HTR1F: variants seen among roughly 807,000 people sequenced by gnomAD.
HTR1F encodes 5-hydroxytryptamine receptor 1F, also known as 5-hydroxytryptamine (serotonin) receptor 1F, G protein-coupled.
HTR1F carries 17 observed loss-of-function variants against 24.0 expected under a neutral mutation model. The observed-to-expected ratio is 0.71, with a 90% confidence interval of 0.48 to 1.06. HTR1F has a LOEUF of 1.06. Among genes scored for constraint, HTR1F ranks in the 50% least tolerant of loss-of-function variants. HTR1F has a pLI of 0.00. For missense variants in HTR1F, 391 were observed against 427.8 expected, an observed-to-expected ratio of 0.91 and a Z score of 0.76; for synonymous variants, 186 against 156.8, an observed-to-expected ratio of 1.19 and a Z score of -1.39.
chr3:87,940,684 A>C (rs569585780), intron 2 of HTR1F, among the ~76,000 whole-genome samples: 1 of 152,344 alleles, frequency 6.6e-6, no homozygotes, highest in African/African-American at 2.4e-5. Flanking sequence ...CTCGTAAGCA[A>C]AAACAACAAA....
intron 2 of HTR1F, among the ~76,000 whole-genome samples, chr3:87,917,379 T>A (rs1398431360): frequency 7.0e-6 from 1 of 143,840 alleles, no homozygotes; most frequent in Non-Finnish European, 1.5e-5. Context: ...CTAAATGAAA[T>A]TGAAGCAAAA....
chr3:87,795,877 G>C (rs545185364), intron 1 of HTR1F, among the ~76,000 whole-genome samples: 1 of 152,112 alleles, frequency 6.6e-6, no homozygotes, highest in South Asian at 2.1e-4. Context: ...ACATCAATGA[G>C]TATGAAAAAG....
At chr3:87,839,024 A>ATT (rs1372260151) in intron 2 of HTR1F, among the ~76,000 whole-genome samples, 16 of 124,738 alleles carry the variant, frequency 1.3e-4, no homozygotes, top group East Asian at 4.9e-4. Context: ...TTTTATTTTT[A>ATT]TTTTTTTTTT....
intron 2 of HTR1F, among the ~76,000 whole-genome samples, chr3:87,978,902 A>AAGGG (rs1705460610): frequency 1.2e-5 from 1 of 82,522 alleles, no homozygotes; most frequent in Non-Finnish European, 2.4e-5. Context: ...GGAAGGAAGG[A>AAGGG]AGGAAGGAAG....
intron 2 of HTR1F, among the ~76,000 whole-genome samples, chr3:87,915,302 C>A (rs1703868766): frequency 6.6e-6 from 1 of 152,180 alleles, no homozygotes; most frequent in Middle Eastern, 3.4e-3. Context: ...TTCTATAACA[C>A]CCCCCAAAAA....
chr3:87,971,452 G>A (rs1182727507), intron 2 of HTR1F, among the ~76,000 whole-genome samples: 1 of 152,052 alleles, frequency 6.6e-6, no homozygotes, highest in East Asian at 1.9e-4. Context: ...TCAGCTACTA[G>A]GGAGTCTGAG....
chr3:87,887,254 G>T (rs1705970661), intron 2 of HTR1F, among the ~76,000 whole-genome samples: 1 of 152,096 alleles, frequency 6.6e-6, no homozygotes, highest in African/African-American at 2.4e-5. Flanking sequence ...AATGGTGCTG[G>T]GAAAACTGGC....
intron 2 of HTR1F, among the ~76,000 whole-genome samples, chr3:87,906,564 C>T (rs1190495395): frequency 4.6e-5 from 7 of 151,446 alleles, no homozygotes; most frequent in Non-Finnish European, 1.0e-4. Flanking sequence ...TTTCAATAGG[C>T]TTTTGGTAAC....
rs554221203 is a variant in HTR1F, at chr3:87,895,314, A to G, written c.-43+73190A>G. Reference sequence around the variant, plus strand: ...ATTTAATACACATTAAATATACACAATAAAAATGGACAAAGGACTTGAATA... The same window carrying G: ...ATTTAATACACATTAAATATACACAGTAAAAATGGACAAAGGACTTGAATA... On this transcript the variant is annotated intron_variant, in intron 2 of 2. Transcript: ENST00000319595. Among the ~76,000 whole-genome samples the G allele has an allele frequency of 8.9e-4, 135 of 152,294 alleles. 3 individuals are homozygous for G. The highest frequency in any genetic ancestry group is 3.4e-3 in the Middle Eastern group (1 of 294).
intron 2 of HTR1F, among the ~76,000 whole-genome samples, chr3:87,985,324 G>A (rs1443658020): frequency 5.9e-5 from 8 of 135,556 alleles, no homozygotes; most frequent in African/African-American, 1.6e-4. Context: ...CAACAAGAGC[G>A]AACCTCCATC....
intron 2 of HTR1F, among the ~76,000 whole-genome samples, chr3:87,891,852 A>G (rs538638453): frequency 6.6e-6 from 1 of 152,266 alleles, no homozygotes; most frequent in South Asian, 2.1e-4. Context: ...GAATTTTTCA[A>G]CTTCATTAAC....
At chr3:87,844,100 C>T (rs2107185680) in intron 2 of HTR1F, among the ~76,000 whole-genome samples, 1 of 150,866 alleles carries the variant, frequency 6.6e-6, no homozygotes, top group African/African-American at 2.5e-5. Context: ...GAGGAATCGC[C>T]ACACTGACTT....
intron 2 of HTR1F, among the ~76,000 whole-genome samples, chr3:87,892,383 A>T (rs1706104200): frequency 6.7e-6 from 1 of 149,916 alleles, no homozygotes; most frequent in East Asian, 1.9e-4. Flanking sequence ...GATTATTAAA[A>T]TTTTTCAGTT....
At chr3:87,865,155 CTTTA>C (rs1705399568) in intron 2 of HTR1F, among the ~76,000 whole-genome samples, 1 of 151,976 alleles carries the variant, frequency 6.6e-6, no homozygotes, top group Non-Finnish European at 1.5e-5. Context: ...TTATTGGTGA[CTTTA>C]TTTACTTGCT....
chr3:87,950,349 C>A (rs1386705370), intron 2 of HTR1F, among the ~76,000 whole-genome samples: 1 of 152,190 alleles, frequency 6.6e-6, no homozygotes, highest in African/African-American at 2.4e-5. Context: ...CTCACAAGTT[C>A]TGCCTTGGAC....
At chr3:87,976,697 A>G (rs929320958) in intron 2 of HTR1F, among the ~76,000 whole-genome samples, 5 of 152,204 alleles carry the variant, frequency 3.3e-5, no homozygotes, top group African/African-American at 9.7e-5. Flanking sequence ...CCAACCCAAT[A>G]TTTTTCCCTA....
Position 87,971,396 on chromosome 3 carries a change from C to T in HTR1F, c.-42-19312C>T, listed in dbSNP as rs1182690729. On this transcript the variant is annotated intron_variant, in intron 2 of 2. Transcript: ENST00000319595. ...TAGCCTGGGCAACATGATAAAACCC[C>T]GTTTCTACAAAAATTAGCCAGGTGT... 9.2e-5 allele frequency among the ~76,000 whole-genome samples: 14 copies of T among 151,776 alleles called. 1 individual carries two copies. Among genetic ancestry groups the T allele is most frequent in the East Asian group, 3.9e-4 (2 of 5,158 alleles).
chr3:87,806,081 G>A (rs546706883), intron 1 of HTR1F, among the ~76,000 whole-genome samples: 2 of 152,108 alleles, frequency 1.3e-5, no homozygotes, highest in South Asian at 2.1e-4. Context: ...GACTGCAAAT[G>A]ACATGATTTC....
In HTR1F at chr3:87,855,095, C is replaced by T. The variant is rs137881000; in HGVS notation, c.-43+32971C>T. Among the ~76,000 whole-genome samples the T allele has an allele frequency of 3.3e-5, 5 of 152,176 alleles. No homozygotes were observed. The East Asian group carries it at 9.6e-4, about 29-fold the overall frequency. On this transcript the variant is annotated intron_variant, in intron 2 of 2. Coordinates refer to ENST00000319595, the MANE Select transcript of HTR1F (RefSeq NM_001322209.2). ...ATATATTCAATGGGCTTTTGCTCCA[C>T]TTGCCCAGTCAATAATGGATGGTGC...
Sources: gnomAD v4.1 joint callset for allele counts (sites outside exome capture counted in the v4.1 genomes callset) on GRCh38, gnomAD v4.1.1 for gene constraint, MANE v1.5 for transcripts, NCBI Gene and HGNC (gene_info 2026-07-23, HGNC 2026-07-21) for gene names.